Variants in EPB41 observed in about 807,000 individuals in gnomAD.
EPB41 encodes the protein erythrocyte membrane protein band 4.1.
In EPB41, 65 loss-of-function variants were observed where a neutral mutation model predicts 108.0. That is an observed-to-expected ratio of 0.60 (90% CI 0.49 to 0.74). The LOEUF (loss-of-function observed/expected upper bound fraction) is 0.74, where lower values mean the gene tolerates loss of function less well. Among genes scored for constraint, EPB41 ranks in the 30% least tolerant of loss-of-function variants. The pLI, the probability that EPB41 is intolerant of heterozygous loss-of-function variation, is 0.00. For missense variants in EPB41, 875 were observed against 1,037.0 expected (o/e 0.84, Z 2.15); for synonymous variants, 336 against 358.9 (o/e 0.94, Z 0.72).
At chr1:29,069,490 T>G (rs1014892199) in intron 16 of EPB41, 2 of 1,181,794 alleles carry the variant, frequency 1.7e-6, no homozygotes, top group Non-Finnish European at 2.1e-6. Flanking sequence ...TTATAAACTT[T>G]TATACTTTTT....
intron 7 of EPB41, among the ~76,000 whole-genome samples, chr1:29,022,313 T>C (rs1310185411): frequency 1.3e-5 from 2 of 151,342 alleles, no homozygotes; most frequent in East Asian, 3.9e-4. Flanking sequence ...AAAAAGTTCA[T>C]TGATAAGTTT....
intron 16 of EPB41, among the ~76,000 whole-genome samples, chr1:29,080,196 A>G (rs1247239455): frequency 6.6e-6 from 1 of 151,088 alleles, no homozygotes; most frequent in Non-Finnish European, 1.5e-5. Flanking sequence ...TTGGCTCATT[A>G]CAACCTCTCC....
rs866854912 is a variant in EPB41 at position 28,887,179 on chromosome 1, G to T, written c.-39G>T. ...CGAGAGCGGCGCGGAGCCAGAACGC[G>T]GTCGGCCCGGTCCCCGCCGCACCCA... On this transcript the variant is annotated 5_prime_UTR_variant, in exon 1 of 17. Coordinates refer to the EPB41 transcript ENST00000347529. The surrounding 1 kb of genome is among the most constrained non-coding windows in gnomAD (Gnocchi z 4.9). The T allele has an allele frequency of 5.7e-6, 7 of 1,218,622 alleles. No homozygotes were observed. In the African/African-American group the frequency reaches 6.2e-5, roughly 11 times the overall value. 75.5% of individuals were successfully genotyped at this position (1,218,622 alleles called of 1,614,324 possible). A position where few individuals can be genotyped will look rare whatever the true frequency, so the allele number is the denominator to read the frequency against.
At chr1:29,030,001 C>T (rs757348359) in intron 7 of EPB41, among the ~76,000 whole-genome samples, 4 of 152,056 alleles carry the variant, frequency 2.6e-5, no homozygotes, top group Non-Finnish European at 4.4e-5. Context: ...TTACACCATG[C>T]CCTCTGAGGA....
chr1:29,059,665 C>A lies in EPB41; in HGVS notation c.1945-757C>A, dbSNP rs180850532. Reference sequence around the variant, plus strand: ...TGGTGATACACTCCTGTGGTCCCAGCTGCTTGGGAGGCTGAGGCAGGAGGA... The same window carrying A: ...TGGTGATACACTCCTGTGGTCCCAGATGCTTGGGAGGCTGAGGCAGGAGGA... On this transcript the variant is annotated intron_variant, in intron 14 of 20. Coordinates refer to ENST00000343067, the MANE Select transcript of EPB41 (RefSeq NM_001376013.1). Among the ~76,000 whole-genome samples the A allele has an allele frequency of 6.6e-5, 10 of 152,200 alleles. No homozygotes were observed. In the East Asian group the frequency reaches 1.4e-3, roughly 21 times the overall value.
intron 1 of EPB41, among the ~76,000 whole-genome samples, chr1:28,970,510 T>A (rs1200701582): frequency 6.6e-6 from 1 of 152,218 alleles, no homozygotes; most frequent in African/African-American, 2.4e-5. Flanking sequence ...TACCTTGAAA[T>A]TTTTAAGGCT....
At position 29,119,701 on chromosome 1, in the gene EPB41, C is replaced by T. The variant is rs1240936811; in HGVS notation, c.*2889C>T. ...AACTGGAGCCAGAGCTGCGGCCTGA[C>T]TGACGCCTTTTGATGCTCACGGGAA... On this transcript the variant is annotated 3_prime_UTR_variant, in exon 21 of 21. Coordinates refer to ENST00000343067, the MANE Select transcript of EPB41 (RefSeq NM_001376013.1). 1 of 152,790 alleles carries T rather than the reference C, an allele frequency of 6.5e-6. No homozygotes were observed. Among genetic ancestry groups the T allele is most frequent in the East Asian group, 1.9e-4 (1 of 5,210 alleles). The allele number at this position is 152,790 out of a possible 1,614,324, so 9.5% of individuals were successfully genotyped here.
intron 16 of EPB41, among the ~76,000 whole-genome samples, chr1:29,074,811 C>T (rs1291921728): frequency 6.6e-6 from 1 of 152,182 alleles, no homozygotes; most frequent in Non-Finnish European, 1.5e-5. Context: ...GAATAATAGC[C>T]TAACTAAATG....
chr1:29,030,028 C>T (rs1256765212), intron 7 of EPB41, among the ~76,000 whole-genome samples: 2 of 152,026 alleles, frequency 1.3e-5, no homozygotes, highest in African/African-American at 4.8e-5. Context: ...TTGGTCATCT[C>T]CTTGGCAAGA....
chr1:28,994,919 CAAA>C (rs1557955264), intron 3 of EPB41, among the ~76,000 whole-genome samples: 1 of 110,334 alleles, frequency 9.1e-6, no homozygotes, highest in Non-Finnish European at 1.8e-5. Context: ...CTCAGCCTCC[CAAA>C]GTACTAAGAT....
chr1:29,029,478 C>T (rs1054765799), intron 7 of EPB41, among the ~76,000 whole-genome samples: 2 of 152,142 alleles, frequency 1.3e-5, no homozygotes, highest in Non-Finnish European at 2.9e-5. Flanking sequence ...CTGCAGCTTT[C>T]TGTAGCTTGA....
At chr1:29,064,629 G>C (rs1647035313) in intron 15 of EPB41, among the ~76,000 whole-genome samples, 2 of 152,124 alleles carry the variant, frequency 1.3e-5, no homozygotes, top group Non-Finnish European at 2.9e-5. Flanking sequence ...ATCAAGCTGA[G>C]GCTAATTGAG....
chr1:28,929,411 T>C (rs2093617620), intron 1 of EPB41, among the ~76,000 whole-genome samples: 2 of 151,644 alleles, frequency 1.3e-5, no homozygotes, highest in African/African-American at 2.4e-5. Context: ...ATTTTTTTTT[T>C]AGTAGAGACG....
chr1:28,912,661 A>G (rs1403948203), upstream of EPB41, among the ~76,000 whole-genome samples: 1 of 151,086 alleles, frequency 6.6e-6, no homozygotes, highest in Non-Finnish European at 1.5e-5. Flanking sequence ...TTGTCACCCA[A>G]CCTGGAGTTC....
rs1558079958 is a variant in EPB41 at position 29,030,428 on chromosome 1, G to C, written c.1153G>C (p.Glu385Gln). 2 of 1,614,048 alleles carry C rather than the reference G, an allele frequency of 1.2e-6. No homozygotes were observed. The highest frequency in any genetic ancestry group is 1.7e-5 in the Admixed American group (1 of 60,022). Residue 385 changes from glutamate (E) to glutamine (Q), a missense_variant, in exon 8 of 21, where the codon GAG becomes CAG. This residue lies in a region of EPB41 where 519 missense variants were observed against 627.3 expected (regional missense o/e 0.83). Transcript: ENST00000343067. ...RSMTPAQADL[E>Q]FLENAKKLSM... ...CATGACTCCAGCTCAGGCTGACTTG[G>C]AGTTTCTTGAGAATGCCAAAAAGTT...
At chr1:28,941,930 C>T (rs1222540187) in intron 1 of EPB41, among the ~76,000 whole-genome samples, 1 of 149,998 alleles carries the variant, frequency 6.7e-6, no homozygotes, top group African/African-American at 2.4e-5. Context: ...AAACCTTTCT[C>T]CCTGACTTTA....
chr1:28,908,984 T>G (rs2092056038), intron 1 of EPB41, among the ~76,000 whole-genome samples: 1 of 150,108 alleles, frequency 6.7e-6, no homozygotes, highest in Non-Finnish European at 1.5e-5. Flanking sequence ...CCCACATGTC[T>G]CTACTAAAAA....
chr1:28,980,794 G>GTTTTTT (rs1227983608), intron 1 of EPB41, among the ~76,000 whole-genome samples: 2 of 118,200 alleles, frequency 1.7e-5, no homozygotes, highest in African/African-American at 3.2e-5. Context: ...TATTCCAGGA[G>GTTTTTT]TTTTTTTTTT....
intron 11 of EPB41, among the ~76,000 whole-genome samples, chr1:29,039,924 T>TC (rs1640867430): frequency 1.3e-5 from 2 of 152,190 alleles, no homozygotes; most frequent in South Asian, 4.1e-4. Flanking sequence ...AGTGACTAGA[T>TC]CATGGTTCCA....
Sources: allele counts gnomAD v4.1 joint callset (sites outside exome capture counted in the v4.1 genomes callset), GRCh38; gene constraint gnomAD v4.1.1; regional missense constraint gnomAD v4.1.1; non-coding constraint Gnocchi (gnomAD v3.1); transcripts MANE v1.5; gene names NCBI Gene and HGNC (gene_info 2026-07-23, HGNC 2026-07-21).